The following SMAP1 variants were observed in gnomAD, a reference collection of about 807,000 sequenced individuals.
SMAP1 encodes small ArfGAP 1.
In SMAP1, 24 loss-of-function variants were observed where a neutral mutation model predicts 58.5. The observed-to-expected ratio is 0.41, with a 90% CI of 0.30 to 0.58. The LOEUF (loss-of-function observed/expected upper bound fraction) is 0.58. SMAP1 is among the 20% of genes least tolerant of loss of function. The pLI is 0.29. For synonymous variants in SMAP1, 216 were observed against 196.6 expected (o/e 1.10, Z -0.82); for missense variants, 563 against 566.3 (o/e 0.99, Z 0.06).
intron 4 of SMAP1, among the ~76,000 whole-genome samples, chr6:70,786,778 C>G (rs1452464294): frequency 6.6e-6 from 1 of 152,136 alleles, no homozygotes; most frequent in Admixed American, 6.5e-5. Context: ...AGGAGAACTA[C>G]AAACCACTGC....
intron 6 of SMAP1, among the ~76,000 whole-genome samples, chr6:70,804,640 G>T (rs1161114657): frequency 1.3e-5 from 2 of 152,138 alleles, no homozygotes; most frequent in African/African-American, 4.8e-5. Flanking sequence ...GGTACCAGTT[G>T]TTCCTTTCCA....
chr6:70,732,596 A>G, intron 2 of SMAP1, 85 bp downstream of exon 2: 5 of 1,206,954 alleles, frequency 4.1e-6, no homozygotes, highest in Admixed American at 3.6e-5. Flanking sequence ...AAGGATTAAC[A>G]TTGAAAAGTA....
At chr6:70,745,530 T>C (rs1468351728) in intron 2 of SMAP1, among the ~76,000 whole-genome samples, 1 of 152,244 alleles carries the variant, frequency 6.6e-6, no homozygotes, top group Non-Finnish European at 1.5e-5. Context: ...TCCATTGGTC[T>C]ATCTCTCTGT....
At chr6:70,707,728 C>G (rs1484095262) in intron 1 of SMAP1, among the ~76,000 whole-genome samples, 1 of 152,172 alleles carries the variant, frequency 6.6e-6, no homozygotes, top group Non-Finnish European at 1.5e-5. Flanking sequence ...GCCTCAGCCT[C>G]CTGAGTAGCT....
intron 6 of SMAP1, among the ~76,000 whole-genome samples, chr6:70,829,942 A>G (rs1371549615): frequency 1.3e-5 from 2 of 152,192 alleles, no homozygotes; most frequent in Non-Finnish European, 2.9e-5. Flanking sequence ...TGGGACCTAA[A>G]TAGTTTTTTA....
intron 1 of SMAP1, among the ~76,000 whole-genome samples, chr6:70,719,809 G>A (rs1482830000): frequency 6.6e-6 from 1 of 152,098 alleles, no homozygotes; most frequent in Non-Finnish European, 1.5e-5. Context: ...AATGAGAATA[G>A]CGTGGGAAAG....
At chr6:70,708,057 A>T (rs542281715) in intron 1 of SMAP1, among the ~76,000 whole-genome samples, 1 of 152,104 alleles carries the variant, frequency 6.6e-6, no homozygotes, top group Non-Finnish European at 1.5e-5. Flanking sequence ...GCTGAACATT[A>T]TATCTCTAGA....
At chr6:70,786,716 A>T (rs1323517901) in intron 4 of SMAP1, among the ~76,000 whole-genome samples, 2 of 152,208 alleles carry the variant, frequency 1.3e-5, no homozygotes, top group African/African-American at 4.8e-5. Context: ...TACTACCAAG[A>T]GAATAAAATA....
intron 4 of SMAP1, among the ~76,000 whole-genome samples, chr6:70,774,041 C>T (rs2149915721): frequency 6.6e-6 from 1 of 152,246 alleles, no homozygotes; most frequent in African/African-American, 2.4e-5. Flanking sequence ...CAGATACTTA[C>T]CATTGTGTTA....
chr6:70,715,443 A>T (rs1768229267), intron 1 of SMAP1, among the ~76,000 whole-genome samples: 1 of 152,114 alleles, frequency 6.6e-6, no homozygotes, highest in Non-Finnish European at 1.5e-5. Flanking sequence ...GGCTACCTGA[A>T]TCTGGATTTG....
At chr6:70,726,022 C>T (rs894449761) in intron 1 of SMAP1, among the ~76,000 whole-genome samples, 1 of 152,112 alleles carries the variant, frequency 6.6e-6, no homozygotes, top group Non-Finnish European at 1.5e-5. Flanking sequence ...GTAGGAGACA[C>T]AGTATTCACA....
chr6:70,729,206 G>A (rs1037716321), intron 1 of SMAP1, among the ~76,000 whole-genome samples: 1 of 152,050 alleles, frequency 6.6e-6, no homozygotes, highest in Non-Finnish European at 1.5e-5. Context: ...TTGGGAGGCC[G>A]AGGCGGGCGG....
At chr6:70,840,085 C>T (rs1210881399) in intron 7 of SMAP1, among the ~76,000 whole-genome samples, 2 of 152,144 alleles carry the variant, frequency 1.3e-5, no homozygotes, top group African/African-American at 4.8e-5. Context: ...GATTTATGGT[C>T]ATGCAAAGAT....
Position 70,680,579 on chromosome 6 carries a change from C to G in SMAP1, c.118+12438C>G, listed in dbSNP as rs193195538. ...TGACGAATGGATAAAGAAAATAGTG[C>G]GTCCGTACAGTGGAATAATGTTTTA... On this transcript the variant is annotated intron_variant, in intron 1 of 10. Transcript: ENST00000370455. 9.9e-5 allele frequency among the ~76,000 whole-genome samples: 15 copies of G among 152,070 alleles called. No homozygotes were observed. In the East Asian group the frequency reaches 2.5e-3, roughly 25 times the overall value.
At chr6:70,777,600 C>G (rs1767599112) in intron 4 of SMAP1, among the ~76,000 whole-genome samples, 1 of 152,026 alleles carries the variant, frequency 6.6e-6, no homozygotes, top group South Asian at 2.1e-4. Flanking sequence ...CATGCAGAAG[C>G]TTTTTAGTTT....
chr6:70,846,101 C>G (rs141287677), intron 7 of SMAP1, among the ~76,000 whole-genome samples: 7 of 152,264 alleles, frequency 4.6e-5, no homozygotes, highest in African/African-American at 1.7e-4. Context: ...GAAGGATCAG[C>G]TAGGGCTAAA....
intron 3 of SMAP1, among the ~76,000 whole-genome samples, chr6:70,757,055 T>C (rs539675147): frequency 2.9e-4 from 44 of 152,272 alleles, no homozygotes; most frequent in African/African-American, 7.9e-4. Context: ...GAGCCGGCAT[T>C]GCCAAGGCAA....
chr6:70,860,421 T>C lies in SMAP1; in HGVS notation c.*87T>C, dbSNP rs549985447. 1.2e-3 allele frequency: 1,652 copies of C among 1,424,672 alleles called. 3 individuals are homozygous for C. Among genetic ancestry groups the C allele is most frequent in the South Asian group, 1.5e-3 (102 of 68,358 alleles). The allele number at this position is 1,424,672 out of a possible 1,614,324, so 88.3% of individuals were successfully genotyped here. ...GTTCCCCTGTTTATTCATATGCATA[T>C]TTTTTTTCTTTTTACCCATTTGTTC... is the stretch of plus-strand genomic sequence containing the variant. On this transcript the variant is annotated 3_prime_UTR_variant, in exon 11 of 11. Transcript: ENST00000370455.
At chr6:70,826,467 T>C (rs1045476919) in intron 6 of SMAP1, among the ~76,000 whole-genome samples, 3 of 152,164 alleles carry the variant, frequency 2.0e-5, no homozygotes, top group African/African-American at 7.2e-5. Context: ...CCATGGATTC[T>C]TTAAGAACAG....
Sources: gnomAD v4.1 joint callset for allele counts (sites outside exome capture counted in the v4.1 genomes callset) on GRCh38, gnomAD v4.1.1 for gene constraint, MANE v1.5 for transcripts, NCBI Gene and HGNC (gene_info 2026-07-23, HGNC 2026-07-21) for gene names.